PCDHGB2: variants seen among roughly 807,000 people sequenced by gnomAD.
The protein encoded by PCDHGB2 is protocadherin gamma subfamily B, 2, also known as protocadherin gamma-B2.
PCDHGB2 carries 55 observed loss-of-function variants against 59.3 expected under a neutral mutation model. The observed-to-expected ratio is 0.93, with a 90% CI of 0.75 to 1.16. The LOEUF (loss-of-function observed/expected upper bound fraction) is 1.16. Among genes scored for constraint, PCDHGB2 ranks in the 50% most tolerant of loss-of-function variants. PCDHGB2 has a pLI of 0.00. For missense variants in PCDHGB2, 1,228 were observed against 1,198.5 expected (o/e 1.02, Z -0.36); for synonymous variants, 516 against 512.0 (o/e 1.01, Z -0.11).
rs1028782991 is a variant in PCDHGB2, at chr5:141,503,926, C to T, written c.2481-1467C>T. 2.6e-5 allele frequency among the ~76,000 whole-genome samples: 4 copies of T among 152,196 alleles called. No individual in the cohort carries two copies. The East Asian group carries it at 7.7e-4, about 29-fold the overall frequency. ...ACACACAACGCAACACACACACAGA[C>T]ATTTTCATGCCTTCAAGGCCTACCC... On this transcript the variant is annotated intron_variant, in intron 2 of 3. Coordinates refer to ENST00000522605, the MANE Select transcript of PCDHGB2 (RefSeq NM_018923.3).
In PCDHGB2 at chr5:141,375,969, C is replaced by T. The variant is rs778872651; in HGVS notation, c.2421+13413C>T. 3 of 1,613,328 alleles carry T rather than the reference C, an allele frequency of 1.9e-6. No individual in the cohort carries two copies. The South Asian group carries it at 3.3e-5, about 18-fold the overall frequency. On this transcript the variant is annotated intron_variant, in intron 1 of 3. Transcript: ENST00000522605. ...CTGCACACGGGCGAGGTGCGCACGG[C>T]GCGCGCCCTGCTGGACAGAGACGCG...
rs192677983 is a variant in PCDHGB2 at position 141,457,339 on chromosome 5, A to G, written c.2422-37468A>G. On this transcript the variant is annotated intron_variant, in intron 1 of 3. Transcript: ENST00000522605. The stretch of plus-strand genomic sequence containing the variant: ...CCTCCGGGTTACAGGTACCTTACTT[A>G]CTTTCATTACCTGGCACAATTTGCA... Among the ~76,000 whole-genome samples the G allele has an allele frequency of 3.1e-4, 47 of 152,268 alleles. No individual in the cohort carries two copies. The South Asian group carries it at 3.3e-3, about 11-fold the overall frequency.
intron 1 of PCDHGB2, chr5:141,423,740 G>T: frequency 1.4e-6 from 1 of 698,992 alleles, no homozygotes; most frequent in Non-Finnish European, 1.8e-6. Flanking sequence ...AGCCTGTTAT[G>T]AAAACTGTTT....
intron 1 of PCDHGB2, chr5:141,428,156 C>A: frequency 6.3e-7 from 1 of 1,579,884 alleles, no homozygotes; most frequent in Non-Finnish European, 8.6e-7. Context: ...CGGGAACCTG[C>A]TGGTTGCTGT....
At chr5:141,399,591 G>A (rs2093843307) in intron 1 of PCDHGB2, 1 of 1,613,970 alleles carries the variant, frequency 6.2e-7, no homozygotes. Flanking sequence ...ACTCTATCAT[G>A]GCCAGCGACC....
At chr5:141,460,985 ATATATATATATGTG>A (rs2099005673) in intron 1 of PCDHGB2, among the ~76,000 whole-genome samples, 1 of 91,766 alleles carries the variant, frequency 1.1e-5, no homozygotes, top group Non-Finnish European at 2.2e-5. Flanking sequence ...GTGTGTGTGT[ATATATATATATGTG>A]TATATATATA....
At chr5:141,373,625 T>C (rs941241888) in intron 1 of PCDHGB2, among the ~76,000 whole-genome samples, 3 of 152,254 alleles carry the variant, frequency 2.0e-5, no homozygotes, top group African/African-American at 7.2e-5. Context: ...GATTGTAATA[T>C]TATTTCTGTT....
rs1366118961 is a variant in PCDHGB2 at position 141,375,763 on chromosome 5, C to T, written c.2421+13207C>T. The T allele has an allele frequency of 3.7e-6, 6 of 1,614,124 alleles. No homozygotes were observed. The African/African-American group carries it at 6.7e-5, about 18-fold the overall frequency. On this transcript the variant is annotated intron_variant, in intron 1 of 3. Transcript: ENST00000522605. ...TGCTGGACCAGAATGACAATGCGCC[C>T]GAGATCCTGTACCCCGCCCTCCCCA...
chr5:141,419,465 G>T, intron 1 of PCDHGB2: 2 of 1,612,542 alleles, frequency 1.2e-6, no homozygotes, highest in Non-Finnish European at 1.7e-6. Context: ...GCAGGCCCGC[G>T]ACCAGGGCTC....
chr5:141,474,721 A>T (rs942537231), intron 1 of PCDHGB2, among the ~76,000 whole-genome samples: 10 of 152,214 alleles, frequency 6.6e-5, no homozygotes, highest in African/African-American at 1.7e-4. Flanking sequence ...CTTCAAAAGG[A>T]CTCTATGCAA....
chr5:141,371,949 G>A lies in PCDHGB2; in HGVS notation c.2421+9393G>A, dbSNP rs376332279. ...GAGCGGGGTGGTGTTCGCGCAGCGA[G>A]CCTTCGACCACGAGCAGCTGCGTGC... is the stretch of plus-strand genomic sequence containing the variant. On this transcript the variant is annotated intron_variant, in intron 1 of 3. Coordinates refer to ENST00000522605, the MANE Select transcript of PCDHGB2 (RefSeq NM_018923.3). 4.6e-5 allele frequency: 74 copies of A among 1,613,184 alleles called. No homozygotes were observed. The African/African-American group carries it at 9.1e-4, about 20-fold the overall frequency.
rs76825883 is a variant in PCDHGB2, at chr5:141,433,317, C to T, written c.2422-61490C>T. The T allele has an allele frequency of 1.4e-3, 1,163 of 830,944 alleles. 6 individuals are homozygous for T. In the African/African-American group the frequency reaches 0.015, roughly 11 times the overall value. 51.5% of individuals were successfully genotyped at this position (830,944 alleles called of 1,614,324 possible). A position where few individuals can be genotyped will look rare whatever the true frequency, so the allele number is the denominator to read the frequency against. On this transcript the variant is annotated intron_variant, in intron 1 of 3. Transcript: ENST00000522605. ...CAAGCAATTATCCCACCTTTGCCTC[C>T]GGTGTAACAGGGACTACAGGTGCAA... is the stretch of plus-strand genomic sequence containing the variant.
chr5:141,436,998 A>G (rs985067199), intron 1 of PCDHGB2, among the ~76,000 whole-genome samples: 23 of 152,242 alleles, frequency 1.5e-4, no homozygotes, highest in South Asian at 2.1e-4. Flanking sequence ...GTTTACTTCA[A>G]TGGGATCTTA....
chr5:141,391,000 T>C (rs2092286539), intron 1 of PCDHGB2: 1 of 152,230 alleles, frequency 6.6e-6, no homozygotes, highest in Admixed American at 6.5e-5. Flanking sequence ...TTCAAGCTCA[T>C]TCTATATCCT....
Position 141,487,265 on chromosome 5 carries a change from G to C in PCDHGB2, c.2422-7542G>C, listed in dbSNP as rs144347539. 6,978 of 1,614,152 alleles carry C rather than the reference G, an allele frequency of 4.3e-3. 28 individuals carry two copies. Among genetic ancestry groups the C allele is most frequent in the Non-Finnish European group, 4.9e-3 (5,770 of 1,180,028 alleles). ...AACCCTCTACTTGGCTGTGTCCCTA[G>C]TGGCAATTTGCTTTGTCTCCTTTGG... On this transcript the variant is annotated intron_variant, in intron 1 of 3. Coordinates refer to ENST00000522605, the MANE Select transcript of PCDHGB2 (RefSeq NM_018923.3). This position sits in a 1 kb window ranked among gnomAD's most constrained non-coding sequence, Gnocchi z 5.0.
chr5:141,388,204 A>T lies in PCDHGB2; in HGVS notation c.2421+25648A>T, dbSNP rs746829885. ...AAGCCAGCTTGTGCTCTGGAATTTG[A>T]GGCTGTTGCTGAAAATCCACTGAAC... On this transcript the variant is annotated intron_variant, in intron 1 of 3. Coordinates refer to ENST00000522605, the MANE Select transcript of PCDHGB2 (RefSeq NM_018923.3). 9 of 1,575,744 alleles carry T rather than the reference A, an allele frequency of 5.7e-6. No homozygotes were observed. The Admixed American group carries it at 1.5e-4, about 27-fold the overall frequency.
chr5:141,449,708 AT>A (rs2098652573), intron 1 of PCDHGB2, among the ~76,000 whole-genome samples: 1 of 151,520 alleles, frequency 6.6e-6, no homozygotes. Context: ...CAAACACATT[AT>A]TTTTATATGA....
chr5:141,409,720 A>C (rs2095305667), intron 1 of PCDHGB2: 1 of 1,613,176 alleles, frequency 6.2e-7, no homozygotes, highest in Non-Finnish European at 8.5e-7. Context: ...CATACGTGTC[A>C]GTGAGCGCGC....
chr5:141,426,676 A>T (rs1209949988), intron 1 of PCDHGB2: 4 of 431,700 alleles, frequency 9.3e-6, no homozygotes, highest in Non-Finnish European at 1.9e-5. Context: ...AACCCACCTC[A>T]TTTTCCCCAA....
Sources: allele counts gnomAD v4.1 joint callset (sites outside exome capture counted in the v4.1 genomes callset), GRCh38; gene constraint gnomAD v4.1.1; non-coding constraint Gnocchi (gnomAD v3.1); transcripts MANE v1.5; gene names NCBI Gene and HGNC (gene_info 2026-07-23, HGNC 2026-07-21).